MAP4K3: variants seen among roughly 807,000 people sequenced by gnomAD.
MAP4K3 encodes mitogen-activated protein kinase kinase kinase kinase 3, also known as MAPK/ERK kinase kinase kinase 3.
Under a neutral mutation model 143.5 loss-of-function variants are expected in MAP4K3, and 94 were observed. The ratio of observed to expected loss-of-function variants is 0.65; its 90% CI spans 0.55 to 0.78. The LOEUF is 0.78. Ranked by LOEUF, MAP4K3 falls within the 30% of genes least tolerant of loss-of-function variation. MAP4K3 has a pLI of 0.00. For missense variants in MAP4K3, 1,077 were observed against 1,068.1 expected, an observed-to-expected ratio of 1.01 and a Z score of -0.12; for synonymous variants, 416 against 347.2, an observed-to-expected ratio of 1.20 and a Z score of -2.20.
chr2:39,258,262 T>C (rs1375960814), intron 31 of MAP4K3, 86 bp downstream of exon 31: 4 of 930,954 alleles, frequency 4.3e-6, no homozygotes, highest in Admixed American at 2.7e-5. Flanking sequence ...AGAATCTTAA[T>C]AATATCAATC....
intron 4 of MAP4K3, among the ~76,000 whole-genome samples, chr2:39,339,372 T>TG (rs2148530807): frequency 6.6e-6 from 1 of 152,308 alleles, no homozygotes; most frequent in South Asian, 2.1e-4. Context: ...AAATAACACT[T>TG]GGAAGTGAAA....
intron 1 of MAP4K3, among the ~76,000 whole-genome samples, chr2:39,395,586 C>G (rs758211977): frequency 1.3e-5 from 2 of 152,192 alleles, no homozygotes; most frequent in Non-Finnish European, 2.9e-5. Flanking sequence ...TGCTTTTGTT[C>G]TTTTGGGATG....
chr2:39,339,513 G>A (rs945356686), intron 4 of MAP4K3, among the ~76,000 whole-genome samples: 1 of 152,166 alleles, frequency 6.6e-6, no homozygotes, highest in Admixed American at 6.5e-5. Context: ...TCTCTTAGGG[G>A]AAGGTTAATC....
At chr2:39,323,722 C>G (rs946656608) in intron 12 of MAP4K3, 3 of 151,834 alleles carry the variant, frequency 2.0e-5, no homozygotes, top group Admixed American at 2.0e-4. Context: ...GTCACAGACA[C>G]ATGATGAAAA....
chr2:39,326,322 T>G, intron 8 of MAP4K3, 45 bp from the exon 9 acceptor site: 1 of 1,603,386 alleles, frequency 6.2e-7, no homozygotes, highest in Non-Finnish European at 8.5e-7. Flanking sequence ...GTTATATGTT[T>G]TCCTTTATAC....
chr2:39,287,994 TC>T, intron 20 of MAP4K3, 126 bp downstream of exon 20: 1 of 1,116,902 alleles, frequency 9.0e-7, no homozygotes, highest in South Asian at 1.5e-5. Context: ...AGAAAACATC[TC>T]CATAGCCACT....
intron 22 of MAP4K3, among the ~76,000 whole-genome samples, chr2:39,281,620 G>C (rs948409029): frequency 2.0e-5 from 3 of 152,060 alleles, no homozygotes; most frequent in Non-Finnish European, 4.4e-5. Context: ...TATAGCTGGA[G>C]TCTACCTGGC....
At chr2:39,399,883 A>T (rs1168734003) in intron 1 of MAP4K3, among the ~76,000 whole-genome samples, 1 of 152,192 alleles carries the variant, frequency 6.6e-6, no homozygotes, top group African/African-American at 2.4e-5. Context: ...CATAATATTT[A>T]TATGGGGGAG....
intron 17 of MAP4K3, 30 bp from the exon 18 acceptor site, chr2:39,292,856 T>C (rs1216845380): frequency 6.3e-7 from 1 of 1,578,274 alleles, no homozygotes; most frequent in East Asian, 2.2e-5. Flanking sequence ...TCATTGTTAT[T>C]AAATGGATTT....
In MAP4K3 at chr2:39,418,457, C is replaced by G. The variant is rs539526527; in HGVS notation, c.96+18435G>C. ...AGTAATTTACGAAGCTACTCCCTTC[C>G]TCAAAGAGGTGAAGTTTAACTTCTT... On this transcript the variant is annotated intron_variant, in intron 1 of 33. Coordinates refer to ENST00000263881, the MANE Select transcript of MAP4K3 (RefSeq NM_003618.4). 9.0e-4 allele frequency among the ~76,000 whole-genome samples: 137 copies of G among 152,276 alleles called. 1 individual carries two copies. The highest frequency in any genetic ancestry group is 3.0e-3 in the African/African-American group (124 of 41,572).
chr2:39,360,258 C>T (rs1665729241), intron 2 of MAP4K3, among the ~76,000 whole-genome samples: 1 of 152,200 alleles, frequency 6.6e-6, no homozygotes, highest in South Asian at 2.1e-4. Flanking sequence ...GTCACTTCTG[C>T]TCTAGTTCCC....
intron 2 of MAP4K3, among the ~76,000 whole-genome samples, chr2:39,377,722 TTC>T (rs1220715427): frequency 1.3e-5 from 2 of 152,102 alleles, no homozygotes; most frequent in Non-Finnish European, 2.9e-5. Flanking sequence ...TAAATTTCAG[TTC>T]TGTTTTTTCC....
chr2:39,315,527 TTTA>T, intron 12 of MAP4K3, 139 bp from the exon 13 acceptor site: 1 of 563,214 alleles, frequency 1.8e-6, no homozygotes, highest in African/African-American at 1.9e-5. Context: ...ATTTTTTTTT[TTTA>T]AAAAAGCAAA....
At chr2:39,424,795 C>T (rs1013695529) in intron 1 of MAP4K3, among the ~76,000 whole-genome samples, 2 of 136,850 alleles carry the variant, frequency 1.5e-5, no homozygotes. Context: ...TGTGCCAGTG[C>T]ACACCAGCCT....
intron 2 of MAP4K3, among the ~76,000 whole-genome samples, chr2:39,361,957 C>G (rs1665783544): frequency 6.6e-6 from 1 of 151,630 alleles, no homozygotes; most frequent in Admixed American, 6.6e-5. Flanking sequence ...AGATAAAAGA[C>G]CTGAAAAAAA....
chr2:39,298,172 CTT>C (rs776161432), intron 16 of MAP4K3, among the ~76,000 whole-genome samples: 5 of 151,988 alleles, frequency 3.3e-5, no homozygotes, highest in African/African-American at 4.8e-5. Flanking sequence ...CATAAAAACA[CTT>C]CAAAAATTTT....
At chr2:39,343,515 A>C in intron 3 of MAP4K3, 63 bp from the exon 4 acceptor site, 3 of 1,343,614 alleles carry the variant, frequency 2.2e-6, no homozygotes, top group Admixed American at 3.6e-5. Context: ...GTGAGGTAAC[A>C]AGTATTTTAA....
intron 3 of MAP4K3, among the ~76,000 whole-genome samples, chr2:39,345,249 A>AT (rs1236833990): frequency 1.3e-5 from 2 of 149,712 alleles, no homozygotes; most frequent in Non-Finnish European, 3.0e-5. Context: ...GAAGTGGTGC[A>AT]TACCTGTAGT....
rs537416357 is a variant in MAP4K3 at position 39,282,592 on chromosome 2, C to T, written c.1588-38G>A. ...CACATGTATGATTACACTTTTTTTG[C>T]TGCTGTTTGATATAATAATACTGTA... On this transcript the variant is annotated intron_variant, in intron 21 of 33. Coordinates refer to ENST00000263881, the MANE Select transcript of MAP4K3 (RefSeq NM_003618.4). 8 of 1,439,076 alleles carry T rather than the reference C, an allele frequency of 5.6e-6. No individual in the cohort carries two copies. In the African/African-American group the frequency reaches 1.1e-4, roughly 20 times the overall value. The allele number at this position is 1,439,076 out of a possible 1,614,324, so 89.1% of individuals were successfully genotyped here. A position where few individuals can be genotyped will look rare whatever the true frequency, so the allele number is the denominator to read the frequency against.
Sources: allele counts gnomAD v4.1 joint callset (sites outside exome capture counted in the v4.1 genomes callset), GRCh38; gene constraint gnomAD v4.1.1; transcripts MANE v1.5; gene names NCBI Gene and HGNC (gene_info 2026-07-23, HGNC 2026-07-21).